The following TLK1 variants were observed in gnomAD, a reference collection of about 807,000 sequenced individuals.
TLK1 encodes the protein serine/threonine-protein kinase tousled-like 1.
Under a neutral mutation model 105.3 loss-of-function variants are expected in TLK1, and 24 were observed. The ratio of observed to expected loss-of-function variants is 0.23; its 90% confidence interval spans 0.17 to 0.32. TLK1 has a LOEUF of 0.32. Among genes scored for constraint, TLK1 ranks in the 10% least tolerant of loss-of-function variants. The probability of loss-of-function intolerance (pLI) is 1.00; values close to 1 mark genes in which losing one functional copy is unlikely to be tolerated. For missense variants in TLK1, 558 were observed against 910.5 expected (o/e 0.61, Z 4.98); for synonymous variants, 321 against 310.4 (o/e 1.03, Z -0.36).
chr2:171,103,027 A>T (rs1370103264), intron 2 of TLK1, among the ~76,000 whole-genome samples: 1 of 152,070 alleles, frequency 6.6e-6, no homozygotes, highest in Non-Finnish European at 1.5e-5. Flanking sequence ...CTCTTTGAAG[A>T]GGGGAAATTT....
chr2:171,081,767 G>GC (rs1229969992), intron 3 of TLK1: 1 of 1,213,826 alleles, frequency 8.2e-7, no homozygotes, highest in Admixed American at 2.3e-5. Context: ...TGTAGTGTCA[G>GC]GGTGCCTGCA....
chr2:171,169,828 G>A (rs780389030), intron 1 of TLK1, among the ~76,000 whole-genome samples: 1 of 152,142 alleles, frequency 6.6e-6, no homozygotes, highest in Non-Finnish European at 1.5e-5. Context: ...CTTCTTTTCC[G>A]CAGATAGTTA....
At chr2:171,010,601 G>A (rs927252176) in intron 14 of TLK1, among the ~76,000 whole-genome samples, 3 of 144,292 alleles carry the variant, frequency 2.1e-5, no homozygotes, top group Non-Finnish European at 4.5e-5. Context: ...TTAAAGGTTA[G>A]GCTAAAAGAT....
intron 2 of TLK1, among the ~76,000 whole-genome samples, chr2:171,102,929 CAATAAGTTGTAGTATTAAA>C (rs1385024502): frequency 6.6e-6 from 1 of 151,702 alleles, no homozygotes; most frequent in Non-Finnish European, 1.5e-5. Context: ...CCTATGGAAT[CAATAAGTTGTAGTATTAAA>C]AAAAAGAAGT....
chr2:171,216,229 C>G (rs887364328), intron 1 of TLK1, among the ~76,000 whole-genome samples: 4 of 152,194 alleles, frequency 2.6e-5, no homozygotes, highest in Non-Finnish European at 5.9e-5. Context: ...GTAATCCCAG[C>G]ACTTTGGGAG....
At chr2:170,999,784 G>A (rs937808066) in intron 18 of TLK1, among the ~76,000 whole-genome samples, 7 of 151,596 alleles carry the variant, frequency 4.6e-5, no homozygotes, top group East Asian at 1.9e-4. Flanking sequence ...TTTTGAGACC[G>A]GGTCTCACTG....
chr2:171,052,260 T>C (rs1687276904), intron 8 of TLK1, among the ~76,000 whole-genome samples: 1 of 151,994 alleles, frequency 6.6e-6, no homozygotes, highest in Non-Finnish European at 1.5e-5. Flanking sequence ...CCCTGTCACT[T>C]AGCGGGGGAA....
At chr2:171,205,476 C>T (rs1693487595) in intron 1 of TLK1, among the ~76,000 whole-genome samples, 2 of 152,138 alleles carry the variant, frequency 1.3e-5, no homozygotes, top group Non-Finnish European at 2.9e-5. Flanking sequence ...GTGCATGCCA[C>T]TACACCCATC....
At chr2:171,094,076 G>A (rs1481546107) in intron 2 of TLK1, among the ~76,000 whole-genome samples, 1 of 152,124 alleles carries the variant, frequency 6.6e-6, no homozygotes, top group Non-Finnish European at 1.5e-5. Context: ...CACAGAATAG[G>A]TGGCTCAACT....
chr2:171,014,937 T>A lies in TLK1; in HGVS notation c.1248A>T (p.Glu416Asp). The A allele has an allele frequency of 6.2e-7, 1 of 1,613,606 alleles. No individual in the cohort carries two copies. Among genetic ancestry groups the A allele is most frequent in the African/African-American group, 1.3e-5 (1 of 75,036 alleles). ...CCAAACGTTCAAGTTCTGCCTGGAT[T>A]TCTGCCTCTTCCTGAAAATGAAGAG... ...RLGHLKKEEA[E>D]IQAELERLER... Residue 416 changes from glutamate (E) to aspartate (D), a missense_variant, in exon 13 of 21, where the codon GAA becomes GAT. Transcript: ENST00000431350.
chr2:171,005,779 T>G (rs930749969), intron 18 of TLK1, among the ~76,000 whole-genome samples: 1 of 152,104 alleles, frequency 6.6e-6, no homozygotes, highest in Non-Finnish European at 1.5e-5. Context: ...ATGCTTGCAG[T>G]TTTTGCTTGC....
intron 1 of TLK1, among the ~76,000 whole-genome samples, chr2:171,138,760 C>A (rs1171481634): frequency 1.3e-5 from 2 of 152,124 alleles, no homozygotes; most frequent in Non-Finnish European, 2.9e-5. Flanking sequence ...TGTAATACCA[C>A]CCCTACTTAA....
chr2:171,081,777 A>T (rs1392876475), intron 3 of TLK1: 1 of 1,079,342 alleles, frequency 9.3e-7, no homozygotes, highest in Admixed American at 2.4e-5. Flanking sequence ...GGGTGCCTGC[A>T]CAGAACTGCA....
Position 171,160,169 on chromosome 2 carries a change from C to G in TLK1, c.139+121G>C. On this transcript the variant is annotated intron_variant, in intron 1 of 20. Coordinates refer to ENST00000431350, the MANE Select transcript of TLK1 (RefSeq NM_012290.5). This position sits in a 1 kb window ranked among gnomAD's most constrained non-coding sequence, Gnocchi z 4.4. ...GGGCGGCCTCGCGTCCACCTCGCCA[C>G]CATCCCCCACCCCAGGGTCTGGCGG... The G allele has an allele frequency of 8.7e-7, 1 of 1,143,334 alleles. No homozygotes were observed. The highest frequency in any genetic ancestry group is 1.1e-6 in the Non-Finnish European group (1 of 898,790). 70.8% of individuals were successfully genotyped at this position (1,143,334 alleles called of 1,614,324 possible). A position where few individuals can be genotyped will look rare whatever the true frequency, so the allele number is the denominator to read the frequency against.
intron 1 of TLK1, among the ~76,000 whole-genome samples, chr2:171,118,408 C>T (rs1313856179): frequency 6.6e-6 from 1 of 152,178 alleles, no homozygotes; most frequent in Non-Finnish European, 1.5e-5. Context: ...TAACTAACTA[C>T]ATTTTAAACT....
intron 7 of TLK1, chr2:171,054,547 T>C (rs961037658): frequency 3.3e-5 from 5 of 152,396 alleles, no homozygotes; most frequent in African/African-American, 1.2e-4. Context: ...TACAGTCTAA[T>C]AGAAATAAAC....
intron 1 of TLK1, among the ~76,000 whole-genome samples, chr2:171,130,315 T>C (rs1001335410): frequency 2.6e-5 from 4 of 152,068 alleles, no homozygotes; most frequent in South Asian, 2.1e-4. Context: ...AGCAGGAGAA[T>C]TGCTTGAACC....
intron 10 of TLK1, among the ~76,000 whole-genome samples, chr2:171,049,387 G>A (rs941735120): frequency 2.0e-5 from 3 of 152,138 alleles, no homozygotes; most frequent in Non-Finnish European, 4.4e-5. Context: ...AGGCAAAAGA[G>A]AAGTTTTTTC....
At chr2:171,070,417 C>CCCA (rs1476637893) in intron 3 of TLK1, among the ~76,000 whole-genome samples, 1 of 151,978 alleles carries the variant, frequency 6.6e-6, no homozygotes, top group Non-Finnish European at 1.5e-5. Context: ...ATTCCCCCTC[C>CCCA]CCACCACCAC....
Sources: gnomAD v4.1 joint callset for allele counts (sites outside exome capture counted in the v4.1 genomes callset) on GRCh38, gnomAD v4.1.1 for gene constraint, Gnocchi (gnomAD v3.1) non-coding constraint, MANE v1.5 for transcripts, NCBI Gene and HGNC (gene_info 2026-07-23, HGNC 2026-07-21) for gene names.